Variants in PTPN12 observed in about 807,000 individuals in gnomAD.
The protein encoded by PTPN12 is tyrosine-protein phosphatase non-receptor type 12.
A neutral mutation model predicts 97.6 loss-of-function variants in PTPN12; 29 were observed. The ratio of observed to expected loss-of-function variants is 0.30; its 90% CI spans 0.22 to 0.41. PTPN12 has a LOEUF of 0.41. Ranked by LOEUF, PTPN12 falls within the 10% of genes least tolerant of loss-of-function variation. The pLI, the probability that PTPN12 is intolerant of heterozygous loss-of-function variation, is 1.00. For synonymous variants in PTPN12, 327 were observed against 300.4 expected (o/e 1.09, Z -0.91); for missense variants, 819 against 926.0 (o/e 0.88, Z 1.50).
At position 77,577,434 on chromosome 7, in the gene PTPN12, C is replaced by G. The variant is rs147329969; in HGVS notation, c.209-3993C>G. Among the ~76,000 whole-genome samples the G allele has an allele frequency of 5.9e-5, 9 of 152,162 alleles. No individual in the cohort carries two copies. In the East Asian group the frequency reaches 1.7e-3, roughly 29 times the overall value. On this transcript the variant is annotated intron_variant, in intron 2 of 17. Transcript: ENST00000248594. ...TATACTTTTGAACCTATTATGCTAC[C>G]TATAATGCCCTATTTTTTTTTTCTT...
chr7:77,638,585 A>C, intron 16 of PTPN12, 39 bp from the exon 17 acceptor site: 1 of 1,533,446 alleles, frequency 6.5e-7, no homozygotes, highest in Non-Finnish European at 8.7e-7. Context: ...TGATGCTACA[A>C]AGGATGGTGA....
chr7:77,583,705 G>T, intron 4 of PTPN12, 55 bp downstream of exon 4: 1 of 1,144,196 alleles, frequency 8.7e-7, no homozygotes, highest in Non-Finnish European at 1.3e-6. Context: ...TAATAACATA[G>T]GCTATTTTAC....
chr7:77,608,263 G>A (rs140182740), intron 9 of PTPN12, among the ~76,000 whole-genome samples: 189 of 152,236 alleles, frequency 1.2e-3, no homozygotes, highest in African/African-American at 4.3e-3. Flanking sequence ...AGAAAATAGG[G>A]GTCATAGTAG....
chr7:77,603,394 T>C (rs990162617), intron 8 of PTPN12, among the ~76,000 whole-genome samples: 2 of 152,180 alleles, frequency 1.3e-5, no homozygotes, highest in Non-Finnish European at 2.9e-5. Flanking sequence ...AGCAAGAAAA[T>C]TCTTTTGCTT....
intron 2 of PTPN12, among the ~76,000 whole-genome samples, chr7:77,576,636 G>T (rs1008424140): frequency 2.6e-5 from 4 of 152,122 alleles, no homozygotes; most frequent in African/African-American, 9.7e-5. Flanking sequence ...GGCAGAGGTT[G>T]CAGTGAGCCA....
At chr7:77,585,155 G>C (rs1171417461) in intron 4 of PTPN12, 1 of 152,212 alleles carries the variant, frequency 6.6e-6, no homozygotes, top group Non-Finnish European at 1.5e-5. Context: ...CTTTTAAAAT[G>C]GTGTTAAACG....
chr7:77,607,689 A>G (rs112334896), intron 9 of PTPN12, among the ~76,000 whole-genome samples: 2 of 152,330 alleles, frequency 1.3e-5, no homozygotes, highest in African/African-American at 4.8e-5. Context: ...AGGTGAGTGA[A>G]TACTTGCATT....
chr7:77,591,936 GGCAGATA>G (rs2151345891), intron 5 of PTPN12, among the ~76,000 whole-genome samples: 1 of 152,228 alleles, frequency 6.6e-6, no homozygotes, highest in Non-Finnish European at 1.5e-5. Flanking sequence ...CTGTAGACCT[GGCAGATA>G]GCAATGAACA....
intron 2 of PTPN12, among the ~76,000 whole-genome samples, chr7:77,579,298 T>C (rs1367762607): frequency 6.6e-6 from 1 of 152,142 alleles, no homozygotes; most frequent in Non-Finnish European, 1.5e-5. Context: ...ATTTTTTTTG[T>C]ATTTTTAGTA....
At chr7:77,558,572 T>C (rs1385526712) in intron 1 of PTPN12, among the ~76,000 whole-genome samples, 2 of 152,332 alleles carry the variant, frequency 1.3e-5, no homozygotes, top group Middle Eastern at 3.4e-3. Context: ...TATACCTGTA[T>C]GCAGAAAAGA....
chr7:77,556,260 G>A (rs905000859), intron 1 of PTPN12, among the ~76,000 whole-genome samples: 9 of 151,860 alleles, frequency 5.9e-5, no homozygotes, highest in African/African-American at 1.7e-4. Flanking sequence ...AAGGGGTTTC[G>A]TCATGTTGCC....
At chr7:77,618,406 A>G in intron 11 of PTPN12, 74 bp from the exon 12 acceptor site, 1 of 992,548 alleles carries the variant, frequency 1.0e-6, no homozygotes, top group Non-Finnish European at 1.5e-6. Flanking sequence ...AAGCACAGAA[A>G]CAATTTAGTT....
intron 1 of PTPN12, among the ~76,000 whole-genome samples, chr7:77,543,265 C>CT (rs1658522656): frequency 4.9e-5 from 4 of 81,246 alleles, no homozygotes; most frequent in African/African-American, 2.2e-4. Flanking sequence ...AGTGTCTTTC[C>CT]ATTTTTTTTA....
In PTPN12 at chr7:77,625,472, G is replaced by GCTCGCGCT; in HGVS notation, c.1026-1230_1026-1229insGCGCTCTC. 8.8e-3 allele frequency among the ~76,000 whole-genome samples: 294 copies of GCTCGCGCT among 33,478 alleles called. 34 individuals carry two copies. Among genetic ancestry groups the GCTCGCGCT allele is most frequent in the East Asian group, 0.042 (37 of 882 alleles). 22.0% of individuals were successfully genotyped at this position (33,478 alleles called of 152,430 possible). On this transcript the variant is annotated intron_variant, in intron 12 of 17. Coordinates refer to ENST00000248594, the MANE Select transcript of PTPN12 (RefSeq NM_002835.4). ...TTTTGCCATATTGCCCAGGCTGCTC[G>GCTCGCGCT]CTCTCTCTCTCTCTCTCTCTCTCTC...
chr7:77,600,212 T>G, intron 7 of PTPN12, among the ~76,000 whole-genome samples: 1 of 152,178 alleles, frequency 6.6e-6, no homozygotes, highest in East Asian at 1.9e-4. Flanking sequence ...TCTGTTAGTC[T>G]TCTGATTACA....
At chr7:77,632,496 T>A in intron 14 of PTPN12, 71 bp downstream of exon 14, 1 of 1,150,556 alleles carries the variant, frequency 8.7e-7, no homozygotes, top group Non-Finnish European at 1.3e-6. Context: ...TACCTGATTT[T>A]AATCTATTAG....
In PTPN12 at chr7:77,592,227, A is replaced by G. The variant is rs772747056; in HGVS notation, c.463A>G (p.Ile155Val). The G allele has an allele frequency of 6.2e-6, 10 of 1,606,392 alleles. No individual in the cohort carries two copies. In the East Asian group the frequency reaches 1.1e-4, roughly 18 times the overall value. ...TTGGCCTTTGTATGGAGAAGACCCCATAACGTTTGCACCATTTAAAATTTC... is the reference window on the plus strand; with the variant it reads ...TTGGCCTTTGTATGGAGAAGACCCCGTAACGTTTGCACCATTTAAAATTTC... ...RYWPLYGEDP[I>V]TFAPFKISCE... Residue 155 changes from isoleucine to valine, a missense_variant, in exon 6 of 18, where the codon ATA (isoleucine) becomes GTA (valine). Transcript: ENST00000248594.
rs768146383 is a variant in PTPN12, at chr7:77,581,443, T to G, written c.225T>G (p.Val75=). 1 of 1,608,166 alleles carries G rather than the reference T, an allele frequency of 6.2e-7. No homozygotes were observed. Among genetic ancestry groups the G allele is most frequent in the Non-Finnish European group, 8.5e-7 (1 of 1,176,402 alleles). ...TTCTCGTAGTTGATCACAGCCGAGT[T>G]AAATTGACATTAAAGACTCCTTCAC... ...KDILPFDHSR[V]KLTLKTPSQD... Residue 75 remains valine (V), a synonymous_variant, in exon 3 of 18, where the codon GTT becomes GTG. Coordinates refer to ENST00000248594, the MANE Select transcript of PTPN12 (RefSeq NM_002835.4).
chr7:77,539,378 C>T (rs573893997), intron 1 of PTPN12, among the ~76,000 whole-genome samples: 1 of 152,180 alleles, frequency 6.6e-6, no homozygotes, highest in African/African-American at 2.4e-5. Context: ...AACATTTGCT[C>T]TTGATATTTA....
Sources: gnomAD v4.1 joint callset for allele counts (sites outside exome capture counted in the v4.1 genomes callset) on GRCh38, gnomAD v4.1.1 for gene constraint, MANE v1.5 for transcripts, NCBI Gene and HGNC (gene_info 2026-07-23, HGNC 2026-07-21) for gene names.